Variants in FBXO45 observed in about 807,000 individuals in gnomAD.
FBXO45 encodes F-box/SPRY domain-containing protein 1.
In FBXO45, 3 loss-of-function variants were observed where a neutral mutation model predicts 25.5. The ratio of observed to expected loss-of-function variants is 0.12; its 90% confidence interval spans 0.05 to 0.30. FBXO45 has a LOEUF of 0.30. Ranked by LOEUF, FBXO45 falls within the 10% of genes least tolerant of loss-of-function variation. The probability of loss-of-function intolerance (pLI) is 1.00; values close to 1 mark genes in which losing one functional copy is unlikely to be tolerated. For synonymous variants in FBXO45, 155 were observed against 149.8 expected (o/e 1.03, Z -0.25); for missense variants, 219 against 365.0 (o/e 0.60, Z 3.26).
chr3:196,568,878 G>C lies in FBXO45; in HGVS notation c.-107G>C, dbSNP rs1735705201. 1.2e-6 allele frequency: 1 copy of C among 848,914 alleles called. No individual in the cohort carries two copies. Among genetic ancestry groups the C allele is most frequent in the Non-Finnish European group, 1.4e-6 (1 of 705,084 alleles). 52.6% of individuals were successfully genotyped at this position (848,914 alleles called of 1,614,324 possible). A position where few individuals can be genotyped will look rare whatever the true frequency, so the allele number is the denominator to read the frequency against. ...AGGCGCCGGCGGTTGGCACTGACAG[G>C]GGCGGTGAGCGAGCCGCTCCGGTCT... On this transcript the variant is annotated 5_prime_UTR_variant, in exon 1 of 3. Coordinates refer to ENST00000311630, the MANE Select transcript of FBXO45 (RefSeq NM_001105573.2).
chr3:196,568,836 A>G lies in FBXO45; in HGVS notation c.-149A>G, dbSNP rs930348153. ...GGGCGCGCGGCGGACGCCCCCGGGC[A>G]GGGGCGGGAGTGGTGGAGGCGCCGG... is the stretch of plus-strand genomic sequence containing the variant. On this transcript the variant is annotated 5_prime_UTR_variant, in exon 1 of 3. Coordinates refer to ENST00000311630, the MANE Select transcript of FBXO45 (RefSeq NM_001105573.2). 4.8e-5 allele frequency: 18 copies of G among 377,672 alleles called. No homozygotes were observed. Among genetic ancestry groups the G allele is most frequent in the Admixed American group, 6.5e-5 (1 of 15,388 alleles). 23.4% of individuals were successfully genotyped at this position (377,672 alleles called of 1,614,324 possible).
In FBXO45 at chr3:196,569,291, T is replaced by C; in HGVS notation, c.307T>C (p.Tyr103His). ...GGACATCCTGTGCAACCTGCCCAGC[T>C]ACAAGGCCAAGGTGAGAGAGCCCCG... The part of the protein sequence containing the change: ...RTDILCNLPS[Y>H]KAKIRAFQHA... Residue 103 changes from tyrosine to histidine, a missense_variant, in exon 1 of 3, where the codon TAC (tyrosine) becomes CAC (histidine). Tyr to His is a moderately conservative substitution (Grantham distance 83). This residue lies in a region of FBXO45 where 138 missense variants were observed against 157.3 expected (regional missense o/e 0.88). Transcript: ENST00000311630. The surrounding 1 kb of genome is among the most constrained non-coding windows in gnomAD (Gnocchi z 4.1). The C allele has an allele frequency of 6.4e-7, 1 of 1,567,726 alleles. No individual in the cohort carries two copies. The highest frequency in any genetic ancestry group is 2.3e-5 in the East Asian group (1 of 42,620).
intron 1 of FBXO45, among the ~76,000 whole-genome samples, chr3:196,575,246 A>G (rs1369836488): frequency 6.6e-6 from 1 of 152,192 alleles, no homozygotes; most frequent in Non-Finnish European, 1.5e-5. Context: ...ACCTGAGGTC[A>G]GGAGTTTGAG....
Position 196,569,340 on chromosome 3 carries a change from C to T in FBXO45, c.318+38C>T, listed in dbSNP as rs774951131. 2.1e-6 allele frequency: 3 copies of T among 1,435,596 alleles called. No individual in the cohort carries two copies. Among genetic ancestry groups the T allele is most frequent in the African/African-American group, 1.4e-5 (1 of 70,212 alleles). 88.9% of individuals were successfully genotyped at this position (1,435,596 alleles called of 1,614,324 possible). A position where few individuals can be genotyped will look rare whatever the true frequency, so the allele number is the denominator to read the frequency against. ...CGGGCCACACCGCTGCCCCCAGTCCCGCTCCCCGGCGTCGTTCGCGGTGTT... is the reference window on the plus strand; with the variant it reads ...CGGGCCACACCGCTGCCCCCAGTCCTGCTCCCCGGCGTCGTTCGCGGTGTT... On this transcript the variant is annotated intron_variant, in intron 1 of 2. Transcript: ENST00000311630. This position sits in a 1 kb window ranked among gnomAD's most constrained non-coding sequence, Gnocchi z 4.1.
At position 196,587,070 on chromosome 3, in the gene FBXO45, C is replaced by T. The variant is rs962122907; in HGVS notation, c.*2752C>T. The T allele has an allele frequency of 1.3e-5, 2 of 152,166 alleles. No individual in the cohort carries two copies. The highest frequency in any genetic ancestry group is 1.3e-4 in the Admixed American group (2 of 15,280). The allele number at this position is 152,166 out of a possible 1,614,324, so 9.4% of individuals were successfully genotyped here. A position where few individuals can be genotyped will look rare whatever the true frequency, so the allele number is the denominator to read the frequency against. On this transcript the variant is annotated 3_prime_UTR_variant, in exon 3 of 3. Coordinates refer to ENST00000311630, the MANE Select transcript of FBXO45 (RefSeq NM_001105573.2). ...ATCAGGGAAAGTGTAACTGAGTATA[C>T]TTTGTTGACTTGGGAAACCTGGAGC... is the stretch of plus-strand genomic sequence containing the variant.
intron 1 of FBXO45, among the ~76,000 whole-genome samples, chr3:196,570,413 T>C (rs1185441994): frequency 6.6e-6 from 1 of 150,788 alleles, no homozygotes; most frequent in East Asian, 2.0e-4. Flanking sequence ...AATTTTGTAT[T>C]TTTAGTAGAG....
At chr3:196,580,118 G>T (rs1344193953) in intron 2 of FBXO45, among the ~76,000 whole-genome samples, 1 of 150,934 alleles carries the variant, frequency 6.6e-6, no homozygotes, top group African/African-American at 2.4e-5. Flanking sequence ...TCAGCCTCCC[G>T]AGTAGCTGGG....
intron 1 of FBXO45, among the ~76,000 whole-genome samples, chr3:196,571,964 A>G (rs1735832810): frequency 6.6e-6 from 1 of 152,232 alleles, no homozygotes; most frequent in Admixed American, 6.5e-5. Context: ...AAGAACTGCT[A>G]ATGTGTGGTA....
chr3:196,577,349 T>C, intron 1 of FBXO45, 104 bp from the exon 2 acceptor site: 2 of 854,888 alleles, frequency 2.3e-6, no homozygotes, highest in Non-Finnish European at 3.5e-6. Context: ...TTTTAAAATA[T>C]ATAACTTCGT....
rs575296244 is a variant in FBXO45, at chr3:196,582,842, T to A, written c.676-1291T>A. ...TTACATGTGGAACTGCTTTGTAAAC[T>A]TTAAAAGCTGTGTGTCTTACTAAGG... is the stretch of plus-strand genomic sequence containing the variant. On this transcript the variant is annotated intron_variant, in intron 2 of 2. Transcript: ENST00000311630. 2.5e-4 allele frequency among the ~76,000 whole-genome samples: 38 copies of A among 152,330 alleles called. 1 individual carries two copies. The highest frequency in any genetic ancestry group is 5.8e-4 in the African/African-American group (24 of 41,570).
rs1735743412 is a variant in FBXO45 at position 196,569,453 on chromosome 3, G to C, written c.318+151G>C. On this transcript the variant is annotated intron_variant, in intron 1 of 2. Coordinates refer to ENST00000311630, the MANE Select transcript of FBXO45 (RefSeq NM_001105573.2). The surrounding 1 kb of genome is among the most constrained non-coding windows in gnomAD (Gnocchi z 4.1). ...CAGTATCTTCCTCACCTCCCCCCAA[G>C]ATAAAGATTCTCTTTTCTTTGGATC... Among the ~76,000 whole-genome samples the C allele has an allele frequency of 6.6e-6, 1 of 152,100 alleles. No homozygotes were observed. The highest frequency in any genetic ancestry group is 2.1e-4 in the South Asian group (1 of 4,822).
At chr3:196,571,579 A>G (rs534746439) in intron 1 of FBXO45, among the ~76,000 whole-genome samples, 1 of 152,322 alleles carries the variant, frequency 6.6e-6, no homozygotes, top group East Asian at 1.9e-4. Flanking sequence ...TGTTCACATG[A>G]TTCAAGATTC....
Position 196,569,259 on chromosome 3 carries a change from T to A in FBXO45, c.275T>A (p.Leu92Gln). The A allele has an allele frequency of 6.3e-7, 1 of 1,585,576 alleles. No individual in the cohort carries two copies. The highest frequency in any genetic ancestry group is 8.6e-7 in the Non-Finnish European group (1 of 1,166,524). Residue 92 changes from leucine (L) to glutamine (Q), a missense_variant, in exon 1 of 3, where the codon CTG becomes CAG. Leu to Gln is a moderately radical substitution (Grantham distance 113). This residue lies in a region of FBXO45 where 138 missense variants were observed against 157.3 expected (regional missense o/e 0.88). Coordinates refer to ENST00000311630, the MANE Select transcript of FBXO45 (RefSeq NM_001105573.2). This position sits in a 1 kb window ranked among gnomAD's most constrained non-coding sequence, Gnocchi z 4.1. ...GCCCGCAGCCTGGCAGAAGAGGCTC[T>A]GCGCACGGACATCCTGTGCAACCTG... ...LCARSLAEEA[L>Q]RTDILCNLPS...
chr3:196,576,975 AAAC>A (rs1420877347), intron 1 of FBXO45, among the ~76,000 whole-genome samples: 10 of 152,240 alleles, frequency 6.6e-5, no homozygotes, highest in African/African-American at 2.4e-4. Flanking sequence ...TATCAAATAT[AAAC>A]AAAAGTAGAG....
chr3:196,572,667 G>A (rs1371311404), intron 1 of FBXO45, among the ~76,000 whole-genome samples: 1 of 152,140 alleles, frequency 6.6e-6, no homozygotes, highest in African/African-American at 2.4e-5. Context: ...TTGAGGTGTG[G>A]GGATTGGTGA....
chr3:196,568,895 C>T lies in FBXO45; in HGVS notation c.-90C>T, dbSNP rs1735706032. ...ACTGACAGGGGCGGTGAGCGAGCCG[C>T]TCCGGTCTCCGGGCGAGGCTTGGCC... On this transcript the variant is annotated 5_prime_UTR_variant, in exon 1 of 3. Coordinates refer to ENST00000311630, the MANE Select transcript of FBXO45 (RefSeq NM_001105573.2). 1.1e-6 allele frequency: 1 copy of T among 939,486 alleles called. No individual in the cohort carries two copies. The allele number at this position is 939,486 out of a possible 1,614,324, so 58.2% of individuals were successfully genotyped here.
At position 196,588,786 on chromosome 3, in the gene FBXO45, A is replaced by T. The variant is rs939034989; in HGVS notation, c.*4468A>T. ...CGGAGAAAGACAAAAGCTCCTCTGA[A>T]GTTTTAGACTATAGAAGCAAAAATT... On this transcript the variant is annotated 3_prime_UTR_variant, in exon 3 of 3. Coordinates refer to ENST00000311630, the MANE Select transcript of FBXO45 (RefSeq NM_001105573.2). This position sits in a 1 kb window ranked among gnomAD's most constrained non-coding sequence, Gnocchi z 4.2. 2 of 152,204 alleles carry T rather than the reference A, an allele frequency of 1.3e-5. No individual in the cohort carries two copies. The highest frequency in any genetic ancestry group is 4.8e-5 in the African/African-American group (2 of 41,442). 9.4% of individuals were successfully genotyped at this position (152,204 alleles called of 1,614,324 possible). A position where few individuals can be genotyped will look rare whatever the true frequency, so the allele number is the denominator to read the frequency against.
Position 196,577,765 on chromosome 3 carries a change from G to A in FBXO45, c.631G>A (p.Val211Ile). The change falls in exon 2 of 3, where the codon GTC becomes ATC. Residue 211 changes from valine (V) to isoleucine (I), a missense_variant. This residue lies in a region of FBXO45 where 34 missense variants were observed against 48.2 expected (regional missense o/e 0.70). Coordinates refer to ENST00000311630, the MANE Select transcript of FBXO45 (RefSeq NM_001105573.2). The stretch of plus-strand genomic sequence containing the variant: ...CAATAATCTACTACATAATGGAGAA[G>A]TCAATGGCAGTTTTCCACAGTGCAA... ...VDNNLLHNGE[V>I]NGSFPQCNNA... 4 of 1,612,398 alleles carry A rather than the reference G, an allele frequency of 2.5e-6. No individual in the cohort carries two copies. The highest frequency in any genetic ancestry group is 3.4e-6 in the Non-Finnish European group (4 of 1,178,530).
intron 2 of FBXO45, among the ~76,000 whole-genome samples, chr3:196,582,976 CTT>C (rs1736039363): frequency 2.0e-5 from 3 of 152,140 alleles, no homozygotes. Flanking sequence ...ATACCCAAAA[CTT>C]TTTCCTCACC....
Sources: gnomAD v4.1 joint callset for allele counts (sites outside exome capture counted in the v4.1 genomes callset) on GRCh38, gnomAD v4.1.1 for gene constraint, gnomAD v4.1.1 regional missense constraint, Gnocchi (gnomAD v3.1) non-coding constraint, MANE v1.5 for transcripts, NCBI Gene and HGNC (gene_info 2026-07-23, HGNC 2026-07-21) for gene names.